The following CRISP1 variants were observed in gnomAD, a reference collection of about 807,000 sequenced individuals.
CRISP1 encodes cysteine rich secretory protein 1, also known as cysteine-rich secretory protein 1.
In CRISP1, 44 loss-of-function variants were observed where a neutral mutation model predicts 33.1. The observed-to-expected ratio is 1.33, with a 90% CI of 1.05 to 1.71. The LOEUF is 1.71. CRISP1 is among the 40% of genes most tolerant of loss of function. The probability of loss-of-function intolerance (pLI) is 0.00; values close to 1 mark genes in which losing one functional copy is unlikely to be tolerated. For missense variants in CRISP1, 390 were observed against 301.2 expected (o/e 1.29, Z -2.18); for synonymous variants, 103 against 98.7 (o/e 1.04, Z -0.26).
rs757459632 is a variant in CRISP1 at position 49,840,957 on chromosome 6, A to G, written c.474T>C (p.Ile158=). The G allele has an allele frequency of 7.4e-6, 12 of 1,613,904 alleles. No individual in the cohort carries two copies. The African/African-American group carries it at 1.2e-4, about 16-fold the overall frequency. ...GTGATCCTTGTTGGCGGCAAGATGC[A>G]ATGGCACAGCCAATCAGGTAAGATG... is the stretch of plus-strand genomic sequence containing the variant. ...WATSYLIGCA[I]ASCRQQGSPR... The change falls in exon 6 of 8, where the codon ATT becomes ATC. Residue 158 remains isoleucine, a synonymous_variant. Coordinates refer to ENST00000335847, the MANE Select transcript of CRISP1 (RefSeq NM_001131.3).
At chr6:49,844,027 A>G (rs138622333) in intron 5 of CRISP1, among the ~76,000 whole-genome samples, 1 of 152,186 alleles carries the variant, frequency 6.6e-6, no homozygotes, top group African/African-American at 2.4e-5. Flanking sequence ...TCTCCTCATC[A>G]CTTATAGTAA....
chr6:49,846,580 A>G lies in CRISP1; in HGVS notation c.375T>C (p.Ser125=), dbSNP rs868350342. The G allele has an allele frequency of 6.2e-7, 1 of 1,613,588 alleles. No homozygotes were observed. The highest frequency in any genetic ancestry group is 1.7e-4 in the Middle Eastern group (1 of 6,058). The change falls in exon 5 of 8, where the codon AGT becomes AGC. Residue 125 remains serine (S), a synonymous_variant. Transcript: ENST00000335847. ...TTGTTGTCCATTCTCCATGTTTGAA[A>G]CTTGTAGACTCACTGTACCAGACTC... ...VIGVWYSEST[S]FKHGEWTTTD...
intron 1 of CRISP1, among the ~76,000 whole-genome samples, chr6:49,874,626 C>A (rs894685907): frequency 4.9e-4 from 74 of 152,066 alleles, no homozygotes; most frequent in African/African-American, 1.7e-3. Context: ...AGGTCAATAT[C>A]CTTGATGAAC....
intron 5 of CRISP1, 85 bp downstream of exon 5, chr6:49,846,435 A>G: frequency 7.3e-7 from 1 of 1,370,512 alleles, no homozygotes; most frequent in Non-Finnish European, 1.0e-6. Context: ...AGAAGGTAGA[A>G]TGATTTTCAG....
chr6:49,855,188 G>A (rs1237419107), intron 2 of CRISP1, among the ~76,000 whole-genome samples: 1 of 151,898 alleles, frequency 6.6e-6, no homozygotes, highest in East Asian at 1.9e-4. Context: ...GCTTTCAACT[G>A]GCCTCCCAGA....
chr6:49,835,278 C>A lies in CRISP1; in HGVS notation c.*38G>T, dbSNP rs759392072. ...ATGAATCCAACAGACATCTCCTCCT[C>A]ATCGTCACAGCATAGAACAGTTGAA... On this transcript the variant is annotated 3_prime_UTR_variant, in exon 8 of 8. Transcript: ENST00000335847. The A allele has an allele frequency of 6.2e-7, 1 of 1,601,208 alleles. No individual in the cohort carries two copies.
chr6:49,858,683 C>T (rs528590772), intron 1 of CRISP1, among the ~76,000 whole-genome samples: 3 of 152,124 alleles, frequency 2.0e-5, no homozygotes, highest in Admixed American at 1.3e-4. Flanking sequence ...CAAGATTTAT[C>T]GTAATATGGT....
intron 6 of CRISP1, among the ~76,000 whole-genome samples, chr6:49,839,182 C>G (rs1770902216): frequency 6.9e-6 from 1 of 144,520 alleles, no homozygotes; most frequent in Non-Finnish European, 1.5e-5. Context: ...TCCCTGTAAT[C>G]CCAGCACTTT....
At chr6:49,848,065 C>A in intron 4 of CRISP1, 144 bp downstream of exon 4, 1 of 479,092 alleles carries the variant, frequency 2.1e-6, no homozygotes, top group Non-Finnish European at 3.7e-6. Context: ...GTGTAATAGT[C>A]CACAATTCAC....
intron 1 of CRISP1, among the ~76,000 whole-genome samples, chr6:49,860,459 CA>C (rs1331493717): frequency 6.6e-6 from 1 of 151,984 alleles, no homozygotes; most frequent in Admixed American, 6.6e-5. Context: ...AAATCAATAA[CA>C]AGAGGAAATT....
At chr6:49,851,333 T>A (rs1771339473) in intron 3 of CRISP1, among the ~76,000 whole-genome samples, 1 of 152,150 alleles carries the variant, frequency 6.6e-6, no homozygotes, top group Non-Finnish European at 1.5e-5. Flanking sequence ...AACTGAGTGA[T>A]ACTGCTGGAT....
At chr6:49,854,168 C>T (rs1771430407) in intron 2 of CRISP1, among the ~76,000 whole-genome samples, 1 of 152,118 alleles carries the variant, frequency 6.6e-6, no homozygotes, top group Non-Finnish European at 1.5e-5. Context: ...TATCTGTCCC[C>T]TTTCTTTCCT....
At chr6:49,841,210 T>A (rs966530468) in intron 5 of CRISP1, among the ~76,000 whole-genome samples, 3 of 152,122 alleles carry the variant, frequency 2.0e-5, no homozygotes, top group Admixed American at 6.6e-5. Context: ...GGAAACCAGG[T>A]GGAGAAAATC....
chr6:49,872,081 T>A (rs1443266095), intron 1 of CRISP1, among the ~76,000 whole-genome samples: 1 of 152,216 alleles, frequency 6.6e-6, no homozygotes, highest in African/African-American at 2.4e-5. Context: ...GACTTTTTAA[T>A]GATCACCATT....
rs1415505087 is a variant in CRISP1, at chr6:49,873,109, A to T, written c.-3+3900T>A. Among the ~76,000 whole-genome samples, 4 of 152,122 alleles carry T rather than the reference A, an allele frequency of 2.6e-5. No homozygotes were observed. In the East Asian group the frequency reaches 5.8e-4, roughly 22 times the overall value. On this transcript the variant is annotated intron_variant, in intron 1 of 7. Coordinates refer to the CRISP1 transcript ENST00000505118. ...TTGGTGCAGCACACCAACATGGCAC[A>T]TGTGTACATATGTTAACTAACCTGC...
chr6:49,852,692 G>A (rs1162680619), intron 2 of CRISP1, among the ~76,000 whole-genome samples: 1 of 152,178 alleles, frequency 6.6e-6, no homozygotes, highest in African/African-American at 2.4e-5. Flanking sequence ...AAGTGTATGT[G>A]TGAGAGAGTA....
chr6:49,835,272 C>T lies in CRISP1; in HGVS notation c.*44G>A. The T allele has an allele frequency of 1.9e-6, 3 of 1,594,096 alleles. No individual in the cohort carries two copies. Among genetic ancestry groups the T allele is most frequent in the Non-Finnish European group, 2.6e-6 (3 of 1,169,114 alleles). Reference sequence around the variant, plus strand: ...AAAGACATGAATCCAACAGACATCTCCTCCTCATCGTCACAGCATAGAACA... The same window carrying T: ...AAAGACATGAATCCAACAGACATCTTCTCCTCATCGTCACAGCATAGAACA... On this transcript the variant is annotated 3_prime_UTR_variant, in exon 8 of 8. Coordinates refer to ENST00000335847, the MANE Select transcript of CRISP1 (RefSeq NM_001131.3).
chr6:49,871,622 T>A (rs1771926427), intron 1 of CRISP1, among the ~76,000 whole-genome samples: 2 of 142,132 alleles, frequency 1.4e-5, no homozygotes, highest in Non-Finnish European at 3.0e-5. Context: ...ATTGTTCAAT[T>A]CCCACCTATG....
intron 2 of CRISP1, among the ~76,000 whole-genome samples, chr6:49,855,183 C>A (rs1416924206): frequency 6.6e-6 from 1 of 152,108 alleles, no homozygotes; most frequent in Non-Finnish European, 1.5e-5. Context: ...GTCTAGCTTT[C>A]AACTGGCCTC....
Sources: gnomAD v4.1 joint callset for allele counts (sites outside exome capture counted in the v4.1 genomes callset) on GRCh38, gnomAD v4.1.1 for gene constraint, MANE v1.5 for transcripts, NCBI Gene and HGNC (gene_info 2026-07-23, HGNC 2026-07-21) for gene names.